FOXP2: variants seen among roughly 807,000 people sequenced by gnomAD.
FOXP2 encodes forkhead box protein P2.
A neutral mutation model predicts 115.8 loss-of-function variants in FOXP2; 12 were observed. The observed-to-expected ratio is 0.10, with a 90% CI of 0.07 to 0.17. The LOEUF (loss-of-function observed/expected upper bound fraction) is 0.17, where lower values mean the gene tolerates loss of function less well. Among genes scored for constraint, FOXP2 ranks in the 10% least tolerant of loss-of-function variants. The pLI is 1.00. For synonymous variants in FOXP2, 328 were observed against 297.7 expected (o/e 1.10, Z -1.05); for missense variants, 629 against 843.5 (o/e 0.75, Z 3.15).
At chr7:114,612,296 C>T (rs944441308) in intron 3 of FOXP2, among the ~76,000 whole-genome samples, 1 of 142,068 alleles carries the variant, frequency 7.0e-6, no homozygotes, top group African/African-American at 2.7e-5. Flanking sequence ...CATCCTTGCT[C>T]ATCCCTCATG....
chr7:114,096,359 G>A (rs192334543), intron 1 of FOXP2, among the ~76,000 whole-genome samples: 141 of 152,218 alleles, frequency 9.3e-4, no homozygotes, highest in African/African-American at 3.2e-3. Flanking sequence ...GTTTTAAAAC[G>A]TTATTGTCTT....
At chr7:114,202,689 G>A (rs2129159902) in intron 1 of FOXP2, among the ~76,000 whole-genome samples, 1 of 152,284 alleles carries the variant, frequency 6.6e-6, no homozygotes, top group Admixed American at 6.5e-5. Context: ...TCATGCCTTT[G>A]TGCTAAGAGG....
At chr7:114,443,138 T>C (rs1794681159) in intron 2 of FOXP2, among the ~76,000 whole-genome samples, 3 of 152,204 alleles carry the variant, frequency 2.0e-5, no homozygotes, top group South Asian at 4.1e-4. Flanking sequence ...CCTGAAACTT[T>C]TCAAAATGTT....
At chr7:114,110,442 A>G (rs966032325) in intron 1 of FOXP2, among the ~76,000 whole-genome samples, 1 of 152,192 alleles carries the variant, frequency 6.6e-6, no homozygotes, top group Non-Finnish European at 1.5e-5. Flanking sequence ...TAAAAATACC[A>G]ACAACTTGTA....
rs530401433 is a variant in FOXP2 at position 114,560,627 on chromosome 7, CA to C, written c.258+25929del. On this transcript the variant is annotated intron_variant, in intron 3 of 16. Coordinates refer to ENST00000350908, the MANE Select transcript of FOXP2 (RefSeq NM_014491.4). Reference sequence around the variant, plus strand: ...CAAGACCCTGTTCCCCCGCCTCCGCCAAAAAAAAGAACTGAAATTATAATAG... The same window carrying C: ...CAAGACCCTGTTCCCCCGCCTCCGCCAAAAAAAGAACTGAAATTATAATAG... 1.9e-4 allele frequency among the ~76,000 whole-genome samples: 29 copies of C among 150,588 alleles called. 1 individual carries two copies. In the South Asian group the frequency reaches 5.0e-3, roughly 26 times the overall value.
chr7:114,653,944 C>T lies in FOXP2; in HGVS notation c.1201C>T (p.Arg401Cys), dbSNP rs762564041. The T allele has an allele frequency of 3.7e-6, 6 of 1,613,028 alleles. No homozygotes were observed. Among genetic ancestry groups the T allele is most frequent in the Non-Finnish European group, 4.2e-6 (5 of 1,179,270 alleles). ...TTAACAGCTTTCTAAAGAACGCGAA[C>T]GTCTTCAAGCAATGATGACCCACTT... Reference protein sequence around the residue: ...LEIQLSKERERLQAMMTHLHM... With the variant: ...LEIQLSKERECLQAMMTHLHM... Residue 401 changes from arginine (R) to cysteine (C), a missense_variant, in exon 10 of 17, where the codon CGT (arginine) becomes TGT (cysteine). Coordinates refer to ENST00000350908, the MANE Select transcript of FOXP2 (RefSeq NM_014491.4).
At chr7:114,588,998 A>G (rs1010530048) in intron 3 of FOXP2, among the ~76,000 whole-genome samples, 8 of 152,162 alleles carry the variant, frequency 5.3e-5, no homozygotes, top group Admixed American at 5.2e-4. Context: ...GGTTATCTTT[A>G]TTACTCAAAA....
chr7:114,200,598 T>C (rs1794035357), intron 1 of FOXP2, among the ~76,000 whole-genome samples: 1 of 152,210 alleles, frequency 6.6e-6, no homozygotes, highest in Non-Finnish European at 1.5e-5. Context: ...ATACCGATAT[T>C]GATAGGCATA....
At chr7:114,248,653 T>C (rs1030820220) in intron 1 of FOXP2, among the ~76,000 whole-genome samples, 5 of 152,162 alleles carry the variant, frequency 3.3e-5, no homozygotes, top group African/African-American at 7.2e-5. Flanking sequence ...TGGAGTAAGC[T>C]TATTTTTTAG....
intron 1 of FOXP2, among the ~76,000 whole-genome samples, chr7:114,126,620 TC>T (rs1450322206): frequency 6.6e-6 from 1 of 152,136 alleles, no homozygotes; most frequent in East Asian, 1.9e-4. Flanking sequence ...CAGAACCTGG[TC>T]ATAAAAGGAC....
chr7:114,573,546 G>A lies in FOXP2; in HGVS notation c.258+38840G>A, dbSNP rs998065685. ...ATGTAACTAACATTTATAATAAATT[G>A]TGAATTATTACAATAGTTTTCAAAT... On this transcript the variant is annotated intron_variant, in intron 3 of 16. Transcript: ENST00000350908. 3.3e-5 allele frequency among the ~76,000 whole-genome samples: 5 copies of A among 151,672 alleles called. No homozygotes were observed. In the Admixed American group the frequency reaches 3.3e-4, roughly 10 times the overall value.
At chr7:114,142,039 T>A (rs555216751) in intron 1 of FOXP2, among the ~76,000 whole-genome samples, 2 of 152,184 alleles carry the variant, frequency 1.3e-5, no homozygotes, top group Non-Finnish European at 2.9e-5. Context: ...ATTGTTTTTT[T>A]TTTAGACTGA....
chr7:114,424,208 A>G (rs1793738832), intron 1 of FOXP2, among the ~76,000 whole-genome samples: 2 of 151,358 alleles, frequency 1.3e-5, no homozygotes, highest in South Asian at 4.1e-4. Flanking sequence ...GATGGCCTTG[A>G]TTATGACACA....
At chr7:114,446,907 C>A (rs1479864248) in intron 2 of FOXP2, among the ~76,000 whole-genome samples, 2 of 151,946 alleles carry the variant, frequency 1.3e-5, no homozygotes, top group African/African-American at 2.4e-5. Flanking sequence ...TGCCAACACA[C>A]CTGGCTAATT....
At chr7:114,332,923 C>G (rs967541960) in intron 2 of FOXP2, among the ~76,000 whole-genome samples, 1 of 152,126 alleles carries the variant, frequency 6.6e-6, no homozygotes, top group African/African-American at 2.4e-5. Context: ...TCCCTTACTT[C>G]TCTGAAAGAA....
intron 2 of FOXP2, among the ~76,000 whole-genome samples, chr7:114,534,107 C>T (rs1351081129): frequency 6.6e-6 from 1 of 151,788 alleles, no homozygotes; most frequent in African/African-American, 2.4e-5. Flanking sequence ...GAGGTTTCCC[C>T]TTGAATTGTA....
intron 1 of FOXP2, among the ~76,000 whole-genome samples, chr7:114,151,962 G>C (rs1286578741): frequency 6.6e-5 from 10 of 152,012 alleles, no homozygotes; most frequent in African/African-American, 2.2e-4. Context: ...TGTCTAAATT[G>C]AAACTAAAAG....
chr7:114,541,504 T>C (rs986891458), intron 3 of FOXP2, among the ~76,000 whole-genome samples: 2 of 152,062 alleles, frequency 1.3e-5, no homozygotes, highest in Admixed American at 6.6e-5. Context: ...CACTGTTTAG[T>C]TGATTGCAAC....
At chr7:114,294,312 A>G (rs1796681675) in intron 2 of FOXP2, among the ~76,000 whole-genome samples, 1 of 152,114 alleles carries the variant, frequency 6.6e-6, no homozygotes, top group African/African-American at 2.4e-5. Flanking sequence ...TGCTAACAGG[A>G]TCTGGGCTTG....
Sources: allele counts gnomAD v4.1 joint callset (sites outside exome capture counted in the v4.1 genomes callset), GRCh38; gene constraint gnomAD v4.1.1; transcripts MANE v1.5; gene names NCBI Gene and HGNC (gene_info 2026-07-23, HGNC 2026-07-21).